SHANK2: variants seen among roughly 807,000 people sequenced by gnomAD.
SHANK2 encodes SH3 and multiple ankyrin repeat domains 2.
Under a neutral mutation model 133.7 loss-of-function variants are expected in SHANK2, and 43 were observed. The observed-to-expected ratio is 0.32, with a 90% CI of 0.25 to 0.41. The LOEUF (loss-of-function observed/expected upper bound fraction) is 0.41. SHANK2 is among the 10% of genes least tolerant of loss of function. The pLI is 1.00. For missense variants in SHANK2, 1,994 were observed against 2,235.8 expected (o/e 0.89, Z 2.18); for synonymous variants, 1,017 against 952.8 (o/e 1.07, Z -1.24).
At chr11:70,656,639 C>G (rs1555011701) in intron 17 of SHANK2, among the ~76,000 whole-genome samples, 1 of 152,126 alleles carries the variant, frequency 6.6e-6, no homozygotes, top group Non-Finnish European at 1.5e-5. Context: ...CAAATCGCAC[C>G]ATCCATGGGG....
At chr11:70,659,390 C>G (rs2061451742) in intron 17 of SHANK2, among the ~76,000 whole-genome samples, 3 of 152,142 alleles carry the variant, frequency 2.0e-5, no homozygotes, top group Admixed American at 2.0e-4. Flanking sequence ...AGCTCTTAGC[C>G]ATCAATGTTA....
chr11:70,715,975 C>T (rs991394127), intron 14 of SHANK2, among the ~76,000 whole-genome samples: 13 of 152,150 alleles, frequency 8.5e-5, no homozygotes, highest in South Asian at 6.2e-4. Context: ...GTGGACAGGG[C>T]GTCTGGAGGG....
At chr11:71,177,460 A>T (rs1418615073) in intron 2 of SHANK2, among the ~76,000 whole-genome samples, 5 of 152,210 alleles carry the variant, frequency 3.3e-5, no homozygotes, top group Non-Finnish European at 7.3e-5. Context: ...CTACTTGATG[A>T]TAAAAGTGTA....
intron 17 of SHANK2, among the ~76,000 whole-genome samples, chr11:70,537,171 G>C (rs2059555087): frequency 6.6e-6 from 1 of 152,142 alleles, no homozygotes; most frequent in Admixed American, 6.5e-5. Context: ...TCCCCTGCAG[G>C]GGTGTCCCCA....
chr11:70,823,262 T>G (rs112888041), intron 11 of SHANK2, among the ~76,000 whole-genome samples: 30 of 26,512 alleles, frequency 1.1e-3, no homozygotes, highest in South Asian at 2.0e-3. Flanking sequence ...GCTGGCAGAG[T>G]TCACGGGGGA....
intron 14 of SHANK2, among the ~76,000 whole-genome samples, chr11:70,782,763 T>C (rs192784486): frequency 4.9e-4 from 74 of 152,262 alleles, no homozygotes; most frequent in Middle Eastern, 6.8e-3. Context: ...ACCCAATACA[T>C]GCACAGAAAG....
intron 17 of SHANK2, among the ~76,000 whole-genome samples, chr11:70,506,186 G>A (rs2059134594): frequency 1.3e-5 from 2 of 152,234 alleles, no homozygotes; most frequent in African/African-American, 2.4e-5. Flanking sequence ...TTCCTTGTCT[G>A]TAGCCGACAG....
intron 10 of SHANK2, chr11:70,911,067 C>T (rs782092017): frequency 2.2e-6 from 1 of 456,970 alleles, no homozygotes; most frequent in South Asian, 1.5e-5. Flanking sequence ...CGGCATTCAC[C>T]CCCAGACTTC....
chr11:70,778,351 G>A (rs912510458), intron 14 of SHANK2, among the ~76,000 whole-genome samples: 4 of 152,206 alleles, frequency 2.6e-5, no homozygotes, highest in African/African-American at 9.7e-5. Flanking sequence ...AAGAAAGGGT[G>A]AAACTGAGAA....
chr11:70,659,288 T>A (rs559515220), intron 17 of SHANK2, among the ~76,000 whole-genome samples: 53 of 152,156 alleles, frequency 3.5e-4, no homozygotes, highest in Non-Finnish European at 6.9e-4. Context: ...TTTTGCACCA[T>A]CGACACCAGC....
At chr11:71,109,122 GAGTCCAGGAGGAGTATTCCC>G (rs1187997189) in intron 6 of SHANK2, among the ~76,000 whole-genome samples, 1 of 152,156 alleles carries the variant, frequency 6.6e-6, no homozygotes, top group African/African-American at 2.4e-5. Context: ...AGAGGGGAGG[GAGTCCAGGAGGAGTATTCCC>G]AGCCCAGGAC....
chr11:70,710,582 CTCA>C (rs1427573396), intron 14 of SHANK2, among the ~76,000 whole-genome samples: 1 of 152,138 alleles, frequency 6.6e-6, no homozygotes, highest in Non-Finnish European at 1.5e-5. Flanking sequence ...CCGAACTAAT[CTCA>C]TCATCTCATG....
At chr11:70,591,124 T>C (rs2060315441) in intron 17 of SHANK2, among the ~76,000 whole-genome samples, 1 of 152,112 alleles carries the variant, frequency 6.6e-6, no homozygotes, top group Non-Finnish European at 1.5e-5. Flanking sequence ...GGCGGATCAC[T>C]GGACCTCACT....
chr11:70,789,573 G>A (rs1266258028), intron 14 of SHANK2, among the ~76,000 whole-genome samples: 4 of 152,146 alleles, frequency 2.6e-5, no homozygotes, highest in Admixed American at 6.5e-5. Context: ...TCACTTCCTC[G>A]GTGGTCTCTG....
intron 14 of SHANK2, among the ~76,000 whole-genome samples, chr11:70,732,549 A>G (rs1946312731): frequency 6.6e-6 from 1 of 152,030 alleles, no homozygotes; most frequent in Non-Finnish European, 1.5e-5. Context: ...GGCTCAGCCT[A>G]TGTGACCACA....
At chr11:70,596,633 C>T (rs1490680762) in intron 17 of SHANK2, among the ~76,000 whole-genome samples, 9 of 152,344 alleles carry the variant, frequency 5.9e-5, no homozygotes, top group African/African-American at 2.2e-4. Context: ...GACAGCAGGG[C>T]CAGTGCAGCG....
intron 4 of SHANK2, among the ~76,000 whole-genome samples, chr11:71,117,514 C>T (rs1338153926): frequency 1.3e-5 from 2 of 152,138 alleles, no homozygotes; most frequent in South Asian, 2.1e-4. Flanking sequence ...GGCTGGTGGC[C>T]GGAAGGATCA....
rs1555034241 is a variant in SHANK2, at chr11:70,739,302, C to T, written c.1778-40539G>A. Among the ~76,000 whole-genome samples the T allele has an allele frequency of 1.3e-5, 2 of 152,168 alleles. No homozygotes were observed. The highest frequency in any genetic ancestry group is 1.3e-4 in the Admixed American group (2 of 15,286). On this transcript the variant is annotated intron_variant, in intron 14 of 25. Coordinates refer to ENST00000601538, the MANE Select transcript of SHANK2 (RefSeq NM_012309.5). This position sits in a 1 kb window ranked among gnomAD's most constrained non-coding sequence, Gnocchi z 4.3. The stretch of plus-strand genomic sequence containing the variant: ...TCCACCCATCTCCACTCATCTCCAC[C>T]CATCTCCACACATCTCCACACATCT...
chr11:70,598,855 C>A (rs1554990085), intron 17 of SHANK2, among the ~76,000 whole-genome samples: 1 of 148,418 alleles, frequency 6.7e-6, no homozygotes, highest in East Asian at 2.0e-4. Flanking sequence ...TAATTATCCG[C>A]TTGCAATTAA....
Sources: gnomAD v4.1 joint callset for allele counts (sites outside exome capture counted in the v4.1 genomes callset) on GRCh38, gnomAD v4.1.1 for gene constraint, Gnocchi (gnomAD v3.1) non-coding constraint, MANE v1.5 for transcripts, NCBI Gene and HGNC (gene_info 2026-07-23, HGNC 2026-07-21) for gene names.